GCN1: variants seen among roughly 807,000 people sequenced by gnomAD.
GCN1 encodes the protein stalled ribosome sensor GCN1.
GCN1 carries 90 observed loss-of-function variants against 288.4 expected under a neutral mutation model. The observed-to-expected ratio is 0.31, with a 90% CI of 0.26 to 0.37. The LOEUF (loss-of-function observed/expected upper bound fraction) is 0.37. GCN1 is among the 10% of genes least tolerant of loss of function. The pLI is 1.00. For synonymous variants in GCN1, 1,386 were observed against 1,420.2 expected, an observed-to-expected ratio of 0.98 and a Z score of 0.54; for missense variants, 2,586 against 3,419.9, an observed-to-expected ratio of 0.76 and a Z score of 6.08.
At chr12:120,166,961 G>GC (rs1310715228) in intron 16 of GCN1, among the ~76,000 whole-genome samples, 1 of 151,852 alleles carries the variant, frequency 6.6e-6, no homozygotes, top group Admixed American at 6.6e-5. Context: ...GCTGCAGTGA[G>GC]CCATGACTGT....
intron 38 of GCN1, 130 bp from the exon 39 acceptor site, chr12:120,145,460 C>A: frequency 1.6e-6 from 1 of 631,092 alleles, no homozygotes. Flanking sequence ...GCATGCAAAC[C>A]TCACTGCCCA....
chr12:120,131,047 G>A (rs897761819), intron 55 of GCN1, 138 bp downstream of exon 55: 7 of 753,320 alleles, frequency 9.3e-6, no homozygotes, highest in Non-Finnish European at 1.3e-5. Flanking sequence ...TGGTCCAAGG[G>A]CACAGCAAGT....
chr12:120,168,251 C>T lies in GCN1; in HGVS notation c.1569G>A (p.Gln523=). The T allele has an allele frequency of 1.2e-6, 2 of 1,610,054 alleles. No homozygotes were observed. The highest frequency in any genetic ancestry group is 2.2e-5 in the South Asian group (2 of 90,990). ...FWQLIVDEKK[Q]VFTSEKFLVM... Reference sequence around the variant, plus strand: ...CCAGGAATTTCTCAGAAGTGAAAACCTGCTTTTTCTCATCCACAATCAACT... The same window carrying T: ...CCAGGAATTTCTCAGAAGTGAAAACTTGCTTTTTCTCATCCACAATCAACT... The change falls in exon 16 of 58, where the codon CAG becomes CAA. Residue 523 remains glutamine (Q), a synonymous_variant. Coordinates refer to ENST00000300648, the MANE Select transcript of GCN1 (RefSeq NM_006836.2).
In GCN1 at chr12:120,153,182, A is replaced by C; in HGVS notation, c.4062+31T>G. The C allele has an allele frequency of 1.9e-6, 3 of 1,599,294 alleles. No individual in the cohort carries two copies. Among genetic ancestry groups the C allele is most frequent in the Non-Finnish European group, 2.6e-6 (3 of 1,167,316 alleles). On this transcript the variant is annotated intron_variant, in intron 33 of 57. Transcript: ENST00000300648. This position sits in a 1 kb window ranked among gnomAD's most constrained non-coding sequence, Gnocchi z 4.4. ...CAGCCGGGTCCCAATTCTCTAACCG[A>C]CATGTGGGTCCCAGGCCAGATGGCA...
At position 120,138,821 on chromosome 12, in the gene GCN1, T is replaced by C. The variant is rs199933913; in HGVS notation, c.6030A>G (p.Ala2010=). The change falls in exon 46 of 58, where the codon GCA becomes GCG. Residue 2010 remains alanine, a synonymous_variant. Transcript: ENST00000300648. Reference sequence around the variant, plus strand: ...CCAGTGGGTCACACAAAGCCTTCCTTGCCGTGGGCACGAGGGATTCAGAGA... The same window carrying C: ...CCAGTGGGTCACACAAAGCCTTCCTCGCCGTGGGCACGAGGGATTCAGAGA... ...LYFSESLVPT[A]RKALCDPLEE... is the part of the protein sequence containing the mutation. The C allele has an allele frequency of 3.1e-6, 5 of 1,613,772 alleles. 1 individual carries two copies.
At chr12:120,180,532 G>A (rs1878621804) in intron 5 of GCN1, among the ~76,000 whole-genome samples, 1 of 151,900 alleles carries the variant, frequency 6.6e-6, no homozygotes, top group African/African-American at 2.4e-5. Flanking sequence ...TTGAACCCAG[G>A]AGGTGGAGTT....
chr12:120,194,442 C>G (rs1036231765), intron 1 of GCN1, among the ~76,000 whole-genome samples: 9 of 152,252 alleles, frequency 5.9e-5, no homozygotes, highest in Non-Finnish European at 1.3e-4. Flanking sequence ...CCGCCGAGCT[C>G]CAGCTGCTGA....
At position 120,178,758 on chromosome 12, in the gene GCN1, T is replaced by A. The variant is rs1377926919; in HGVS notation, c.527A>T (p.Asn176Ile). 1 of 1,614,050 alleles carries A rather than the reference T, an allele frequency of 6.2e-7. No homozygotes were observed. The highest frequency in any genetic ancestry group is 8.5e-7 in the Non-Finnish European group (1 of 1,180,040). Reference protein sequence around the residue: ...VKKLTKLWKENPGLVEQYLSA... With the variant: ...VKKLTKLWKEIPGLVEQYLSA... Reference sequence around the variant, plus strand: ...CAAGTACTGTTCCACCAGCCCGGGGTTCTGAAGAGGAAAGTGCCAGGCAGG... The same window carrying A: ...CAAGTACTGTTCCACCAGCCCGGGGATCTGAAGAGGAAAGTGCCAGGCAGG... Residue 176 changes from asparagine to isoleucine, a missense_variant and splice_region_variant, in exon 7 of 58, where the codon AAC becomes ATC. Asn to Ile is a moderately radical substitution (Grantham distance 149, BLOSUM62 -3). Around this residue, in one of 8 missense-constraint regions of GCN1, gnomAD observed 913 missense variants for 1,107.0 expected, o/e 0.82. Transcript: ENST00000300648.
chr12:120,186,002 A>T (rs1878809331), intron 2 of GCN1, among the ~76,000 whole-genome samples: 1 of 152,174 alleles, frequency 6.6e-6, no homozygotes, highest in Non-Finnish European at 1.5e-5. Flanking sequence ...ATACACTCTA[A>T]CTCTGGGCAG....
In GCN1 at chr12:120,147,241, C is replaced by A; in HGVS notation, c.4758G>T (p.Thr1586=). The change falls in exon 38 of 58, where the codon ACG becomes ACT. Residue 1586 remains threonine, a synonymous_variant. Transcript: ENST00000300648. ...ACTTCTGGGTCTTCCTGGAGGGATC[C>A]GTCAGGGCATCCAGGAGGACTGGAG... ...AIAPVLLDAL[T]DPSRKTQKCL... is the part of the protein sequence containing the mutation. 1 of 1,606,594 alleles carries A rather than the reference C, an allele frequency of 6.2e-7. No homozygotes were observed. The highest frequency in any genetic ancestry group is 8.5e-7 in the Non-Finnish European group (1 of 1,174,446).
intron 38 of GCN1, 81 bp from the exon 39 acceptor site, chr12:120,145,411 C>T (rs1320605792): frequency 1.9e-6 from 2 of 1,066,668 alleles, no homozygotes; most frequent in Non-Finnish European, 2.6e-6. Context: ...CCCTGACCTC[C>T]CCATTCTGCT....
At chr12:120,172,573 G>C (rs1174048807) in intron 14 of GCN1, among the ~76,000 whole-genome samples, 1 of 151,804 alleles carries the variant, frequency 6.6e-6, no homozygotes, top group African/African-American at 2.4e-5. Flanking sequence ...GCAATGGCTT[G>C]ATCTCGGCTC....
chr12:120,165,861 G>A (rs997762147), intron 16 of GCN1, among the ~76,000 whole-genome samples: 13 of 151,572 alleles, frequency 8.6e-5, no homozygotes, highest in Admixed American at 6.6e-4. Context: ...GTGCAATCTC[G>A]GCTTACTGCA....
At chr12:120,175,576 G>A (rs1039854463) in intron 11 of GCN1, among the ~76,000 whole-genome samples, 170 bp downstream of exon 11, 1 of 152,062 alleles carries the variant, frequency 6.6e-6, no homozygotes, top group East Asian at 1.9e-4. Context: ...ACACCACCCC[G>A]TGCACGGTTT....
chr12:120,151,416 G>C (rs1326433260), intron 33 of GCN1, 25 bp from the exon 34 acceptor site: 1 of 1,611,140 alleles, frequency 6.2e-7, no homozygotes, highest in Non-Finnish European at 8.5e-7. Context: ...ACCTGTCAAT[G>C]CTGTGGCTCC....
intron 2 of GCN1, among the ~76,000 whole-genome samples, chr12:120,186,160 G>A (rs1431010127): frequency 1.3e-5 from 2 of 151,610 alleles, no homozygotes; most frequent in African/African-American, 2.4e-5. Context: ...CCAACACGGT[G>A]AAACCCCGTC....
chr12:120,161,788 T>C, intron 21 of GCN1, 92 bp downstream of exon 21: 17 of 1,271,052 alleles, frequency 1.3e-5, no homozygotes, highest in Non-Finnish European at 1.7e-5. Context: ...GGCTGTTGCA[T>C]TCAACTCACA....
chr12:120,161,700 G>T (rs186066443), intron 21 of GCN1, 117 bp from the exon 22 acceptor site: 3 of 910,690 alleles, frequency 3.3e-6, no homozygotes, highest in Non-Finnish European at 5.3e-6. Flanking sequence ...CACAGTGCCG[G>T]ATACTGGACA....
intron 18 of GCN1, among the ~76,000 whole-genome samples, 190 bp from the exon 19 acceptor site, chr12:120,163,449 C>A (rs1877998959): frequency 6.6e-6 from 1 of 152,212 alleles, no homozygotes; most frequent in Admixed American, 6.5e-5. Flanking sequence ...AAGAAGGAAG[C>A]ACCTGTGGCT....
Sources: gnomAD v4.1 joint callset for allele counts (sites outside exome capture counted in the v4.1 genomes callset) on GRCh38, gnomAD v4.1.1 for gene constraint, gnomAD v4.1.1 regional missense constraint, Gnocchi (gnomAD v3.1) non-coding constraint, MANE v1.5 for transcripts, NCBI Gene and HGNC (gene_info 2026-07-23, HGNC 2026-07-21) for gene names.